The following MSN variants were observed in gnomAD, a reference collection of about 807,000 sequenced individuals.
MSN encodes epididymis luminal protein 70.
MSN carries 2 observed loss-of-function variants against 48.0 expected under a neutral mutation model. The observed-to-expected ratio is 0.04, with a 90% CI of 0.02 to 0.13. The LOEUF is 0.13. MSN is among the 10% of genes least tolerant of loss of function. The probability of loss-of-function intolerance (pLI) is 1.00; values close to 1 mark genes in which losing one functional copy is unlikely to be tolerated. For synonymous variants in MSN, 146 were observed against 166.9 expected (o/e 0.87, Z 0.97); for missense variants, 267 against 470.1 (o/e 0.57, Z 3.99).
intron 1 of MSN, among the ~76,000 whole-genome samples, chrX:65,711,051 A>ATT (rs2071409689): frequency 9.7e-6 from 1 of 102,703 alleles, no homozygotes; most frequent in Non-Finnish European, 2.0e-5. Flanking sequence ...TGCCCGGCTA[A>ATT]TTTTTGTATT....
intron 1 of MSN, among the ~76,000 whole-genome samples, chrX:65,642,949 T>C (rs2070668631): frequency 9.1e-6 from 1 of 110,053 alleles, no homozygotes; most frequent in Non-Finnish European, 1.9e-5. Flanking sequence ...CCCTATCCCC[T>C]CAGAGAGATC....
intron 1 of MSN, among the ~76,000 whole-genome samples, chrX:65,612,962 A>T (rs1056367806): frequency 4.6e-5 from 5 of 109,364 alleles, no homozygotes; most frequent in African/African-American, 1.7e-4. Flanking sequence ...TACATATGCC[A>T]TGGTGGTTTG....
At chrX:65,692,029 C>T (rs2071177842) in intron 1 of MSN, among the ~76,000 whole-genome samples, 1 of 112,230 alleles carries the variant, frequency 8.9e-6, no homozygotes, top group East Asian at 2.8e-4. Context: ...TCATTCTTAG[C>T]CTCTCACTCC....
chrX:65,612,864 T>TG (rs1569453858), intron 1 of MSN, among the ~76,000 whole-genome samples: 8 of 106,959 alleles, frequency 7.5e-5, no homozygotes, highest in Non-Finnish European at 1.2e-4. Context: ...TTTTTTTTTT[T>TG]TGGGGGGGGG....
chrX:65,608,929 A>C (rs1218508332), intron 1 of MSN, among the ~76,000 whole-genome samples: 4 of 111,087 alleles, frequency 3.6e-5, no homozygotes, highest in African/African-American at 1.3e-4. Flanking sequence ...AATTGCCAAC[A>C]CCTGAGACAG....
chrX:65,736,095 C>T (rs903180712), intron 8 of MSN, among the ~76,000 whole-genome samples: 2 of 111,933 alleles, frequency 1.8e-5, no homozygotes, highest in Non-Finnish European at 3.8e-5. Context: ...ATGCACTAGC[C>T]GTAGAGATTA....
chrX:65,615,075 G>T (rs1248934762), intron 1 of MSN, among the ~76,000 whole-genome samples: 1 of 106,139 alleles, frequency 9.4e-6, no homozygotes, highest in African/African-American at 3.5e-5. Context: ...TGGTGTATAT[G>T]TGCCACATTT....
chrX:65,595,834 A>T (rs1177437876), intron 1 of MSN, among the ~76,000 whole-genome samples: 4 of 112,509 alleles, frequency 3.6e-5, no homozygotes, highest in African/African-American at 6.5e-5. Context: ...TCAGACAGTG[A>T]TTCACTCTGT....
At chrX:65,720,879 C>G (rs1376730435) in intron 2 of MSN, among the ~76,000 whole-genome samples, 1 of 112,012 alleles carries the variant, frequency 8.9e-6, no homozygotes, top group East Asian at 2.8e-4. Flanking sequence ...CATAGTTTGT[C>G]TCATTTACCT....
intron 1 of MSN, among the ~76,000 whole-genome samples, chrX:65,661,336 G>A (rs1426041672): frequency 8.9e-6 from 1 of 111,741 alleles, no homozygotes; most frequent in African/African-American, 3.3e-5. Flanking sequence ...TTGTTGAATT[G>A]TATTGAAAAC....
chrX:65,650,778 T>C (rs1244769405), intron 1 of MSN, among the ~76,000 whole-genome samples: 1 of 111,721 alleles, frequency 9.0e-6, no homozygotes, highest in Non-Finnish European at 1.9e-5. Context: ...GTTCTGGAGG[T>C]CAGAAGTTTA....
At chrX:65,630,876 ATAG>A (rs1255412532) in intron 1 of MSN, among the ~76,000 whole-genome samples, 3 of 111,558 alleles carry the variant, frequency 2.7e-5, no homozygotes, top group African/African-American at 9.8e-5. Flanking sequence ...TTTTGAGATA[ATAG>A]TAGATTTACA....
chrX:65,711,438 C>T (rs1461678235), intron 1 of MSN, among the ~76,000 whole-genome samples: 3 of 111,966 alleles, frequency 2.7e-5, no homozygotes, highest in Non-Finnish European at 5.6e-5. Flanking sequence ...TCAAGTAATT[C>T]GCCCGCCTTG....
intron 1 of MSN, among the ~76,000 whole-genome samples, chrX:65,671,023 G>T (rs1394219351): frequency 3.2e-5 from 3 of 93,907 alleles, no homozygotes; most frequent in Non-Finnish European, 6.3e-5. Flanking sequence ...AGGCTTTGAG[G>T]CTTTCTTGGA....
intron 1 of MSN, among the ~76,000 whole-genome samples, chrX:65,640,404 G>A (rs1326289300): frequency 1.8e-5 from 2 of 111,741 alleles, no homozygotes; most frequent in African/African-American, 6.5e-5. Context: ...AATTAGCTGG[G>A]CATGGTGGCA....
upstream of MSN, among the ~76,000 whole-genome samples, chrX:65,666,300 A>G (rs1339856153): frequency 1.9e-5 from 2 of 106,654 alleles, no homozygotes; most frequent in Admixed American, 1.0e-4. Flanking sequence ...TTACAGGTGT[A>G]AGCCACTGCA....
chrX:65,681,635 A>G (rs1161389590), intron 1 of MSN, among the ~76,000 whole-genome samples: 4 of 112,388 alleles, frequency 3.6e-5, no homozygotes, highest in Non-Finnish European at 7.5e-5. Context: ...TTCTGAAACC[A>G]TTCCAGATTT....
chrX:65,600,512 G>C (rs1216919243), intron 1 of MSN: 1 of 112,047 alleles, frequency 8.9e-6, no homozygotes, highest in African/African-American at 3.2e-5. Flanking sequence ...TGGTGCATTT[G>C]ATTGACTAAA....
At chrX:65,611,210 C>T (rs927614396) in intron 1 of MSN, among the ~76,000 whole-genome samples, 3 of 103,893 alleles carry the variant, frequency 2.9e-5, no homozygotes, top group Non-Finnish European at 5.9e-5. Context: ...TCCAGGCTGG[C>T]GTGCAGTGGC....
Sources: allele counts gnomAD v4.1 joint callset (sites outside exome capture counted in the v4.1 genomes callset), GRCh38; gene constraint gnomAD v4.1.1; transcripts MANE v1.5; gene names NCBI Gene and HGNC (gene_info 2026-07-23, HGNC 2026-07-21).